Variants in ANKRD30BL observed in about 807,000 individuals in gnomAD.
ANKRD30BL encodes the protein ankyrin repeat domain 30B like.
ANKRD30BL carries 20 observed loss-of-function variants against 18.4 expected under a neutral mutation model. The observed-to-expected ratio is 1.09, with a 90% CI of 0.77 to 1.58. The LOEUF (loss-of-function observed/expected upper bound fraction) is 1.58. ANKRD30BL is among the 40% of genes most tolerant of loss of function. The probability of loss-of-function intolerance (pLI) is 0.00; values close to 1 mark genes in which losing one functional copy is unlikely to be tolerated. For missense variants in ANKRD30BL, 224 were observed against 268.6 expected (o/e 0.83, Z 1.16); for synonymous variants, 72 against 100.9 (o/e 0.71, Z 1.72).
Position 132,161,934 on chromosome 2 carries a change from CA to C in ANKRD30BL, c.-230del, listed in dbSNP as rs1296544304. The stretch of plus-strand genomic sequence containing the variant: ...TAGGCACCTGAGCAGAACCTTTAGG[CA>C]GCTGAGCAGAACCGTTAGGCAACAG... On this transcript the variant is annotated 5_prime_UTR_variant, in exon 1 of 6. Coordinates refer to ENST00000409867, the MANE Select transcript of ANKRD30BL (RefSeq NM_001358416.1). 1.9e-5 allele frequency: 10 copies of C among 533,368 alleles called. No individual in the cohort carries two copies. Among genetic ancestry groups the C allele is most frequent in the Admixed American group, 6.4e-5 (2 of 31,076 alleles). 33.0% of individuals were successfully genotyped at this position (533,368 alleles called of 1,614,324 possible).
intron 1 of ANKRD30BL, among the ~76,000 whole-genome samples, chr2:132,169,271 A>C (rs1254410809): frequency 6.6e-6 from 1 of 152,244 alleles, no homozygotes; most frequent in East Asian, 1.9e-4. Flanking sequence ...TTTCTTCATT[A>C]GTTCCACACA....
intron 1 of ANKRD30BL, among the ~76,000 whole-genome samples, chr2:132,238,061 C>T (rs1234060336): frequency 6.6e-6 from 1 of 151,952 alleles, no homozygotes; most frequent in South Asian, 2.1e-4. Flanking sequence ...AGTTTTGAAA[C>T]ACTTTTTTTG....
At chr2:132,184,307 C>G (rs1239990346) in intron 1 of ANKRD30BL, among the ~76,000 whole-genome samples, 2 of 152,074 alleles carry the variant, frequency 1.3e-5, no homozygotes, top group East Asian at 3.8e-4. Context: ...TACATAGAAC[C>G]TTATTTGTCT....
intron 1 of ANKRD30BL, among the ~76,000 whole-genome samples, chr2:132,223,638 A>G (rs1573861814): frequency 6.6e-6 from 1 of 151,938 alleles, no homozygotes; most frequent in African/African-American, 2.4e-5. Flanking sequence ...TAAACACTAG[A>G]CAGAAGCATT....
In ANKRD30BL at chr2:132,225,285, G is replaced by T. The variant is rs1385221894; in HGVS notation, n.441+32244C>A. Among the ~76,000 whole-genome samples, 3 of 152,048 alleles carry T rather than the reference G, an allele frequency of 2.0e-5. No homozygotes were observed. In the East Asian group the frequency reaches 5.8e-4, roughly 30 times the overall value. On this transcript the variant is annotated intron_variant and non_coding_transcript_variant, in intron 1 of 4. Transcript: ENST00000470729. ...TTGTAGAATCTGCAAGTGGACATTT[G>T]GAGAGCTTTGAGGCCTATGGTGGAA... is the stretch of plus-strand genomic sequence containing the variant.
chr2:132,222,378 T>C (rs997871731), intron 1 of ANKRD30BL, among the ~76,000 whole-genome samples: 1 of 151,548 alleles, frequency 6.6e-6, no homozygotes, highest in Admixed American at 6.6e-5. Context: ...ACAATGGCGG[T>C]TTTGTGGAAT....
intron 1 of ANKRD30BL, among the ~76,000 whole-genome samples, chr2:132,225,655 G>A (rs982513032): frequency 2.0e-5 from 3 of 151,908 alleles, no homozygotes; most frequent in Admixed American, 2.0e-4. Context: ...GTTGGAAATG[G>A]GAATATCTTC....
intron 1 of ANKRD30BL, among the ~76,000 whole-genome samples, chr2:132,244,650 A>T (rs1349335932): frequency 6.6e-6 from 1 of 152,286 alleles, no homozygotes; most frequent in Admixed American, 6.5e-5. Context: ...CACTCAAATC[A>T]CAGAATTGAA....
At chr2:132,176,644 G>T (rs1688371271) in intron 1 of ANKRD30BL, among the ~76,000 whole-genome samples, 1 of 151,862 alleles carries the variant, frequency 6.6e-6, no homozygotes, top group Admixed American at 6.6e-5. Context: ...CAAAAAAAAA[G>T]CCGTGTGTGG....
intron 1 of ANKRD30BL, among the ~76,000 whole-genome samples, chr2:132,172,728 G>A (rs1162202087): frequency 6.8e-6 from 1 of 146,360 alleles, no homozygotes. Flanking sequence ...TTTTTTTTGA[G>A]ATGGAGTCTT....
intron 1 of ANKRD30BL, among the ~76,000 whole-genome samples, chr2:132,196,147 A>C (rs1162282797): frequency 6.6e-6 from 1 of 151,564 alleles, no homozygotes; most frequent in African/African-American, 2.4e-5. Flanking sequence ...ATCTCAAAAA[A>C]AAAAAAAAGA....
intron 1 of ANKRD30BL, among the ~76,000 whole-genome samples, chr2:132,199,748 T>C (rs1348042836): frequency 6.6e-6 from 1 of 152,148 alleles, no homozygotes; most frequent in Non-Finnish European, 1.5e-5. Context: ...ATCTATGGGA[T>C]TGTTGTATAA....
chr2:132,231,766 G>T (rs1422224744), intron 1 of ANKRD30BL, among the ~76,000 whole-genome samples: 1 of 151,978 alleles, frequency 6.6e-6, no homozygotes, highest in African/African-American at 2.4e-5. Flanking sequence ...TGGGGGAGGG[G>T]CACCCGCCAT....
At chr2:132,257,752 G>C (rs111401445) in exon 1 of ANKRD30BL, 1 of 153,256 alleles carries the variant, frequency 6.5e-6, no homozygotes, top group Non-Finnish European at 1.5e-5. Context: ...GGGAAGGGAG[G>C]GGGCCTGCGG....
chr2:132,245,480 G>T (rs201295696), intron 1 of ANKRD30BL, among the ~76,000 whole-genome samples: 11 of 2,212 alleles, frequency 5.0e-3, no homozygotes, highest in South Asian at 0.015. Context: ...CTCAGAAACT[G>T]CTTTGTGATG....
chr2:132,220,171 A>T (rs1187467065), intron 1 of ANKRD30BL, among the ~76,000 whole-genome samples: 2 of 152,092 alleles, frequency 1.3e-5, no homozygotes, highest in Non-Finnish European at 1.5e-5. Context: ...GAATATCCTT[A>T]TATAAAAATT....
chr2:132,219,228 T>C (rs112157995), intron 1 of ANKRD30BL, among the ~76,000 whole-genome samples: 58 of 152,208 alleles, frequency 3.8e-4, no homozygotes, highest in Admixed American at 3.2e-3. Context: ...TACTGTATCA[T>C]AGAGCAGTTT....
chr2:132,165,331 G>T (rs1688168372), upstream of ANKRD30BL, among the ~76,000 whole-genome samples: 1 of 150,846 alleles, frequency 6.6e-6, no homozygotes, highest in East Asian at 1.9e-4. Flanking sequence ...AAACAAAGCT[G>T]CTATATATAT....
chr2:132,234,537 C>G (rs1334764041), intron 1 of ANKRD30BL, among the ~76,000 whole-genome samples: 1 of 152,074 alleles, frequency 6.6e-6, no homozygotes, highest in Non-Finnish European at 1.5e-5. Flanking sequence ...TACAAACTAC[C>G]ATCAGAGAAT....
Sources: allele counts gnomAD v4.1 joint callset (sites outside exome capture counted in the v4.1 genomes callset), GRCh38; gene constraint gnomAD v4.1.1; transcripts MANE v1.5; gene names NCBI Gene and HGNC (gene_info 2026-07-23, HGNC 2026-07-21).